The following UTP23 variants were observed in gnomAD, a reference collection of about 807,000 sequenced individuals.
The protein encoded by UTP23 is rRNA-processing protein UTP23 homolog.
A neutral mutation model predicts 19.8 loss-of-function variants in UTP23; 10 were observed. The observed-to-expected ratio is 0.50, with a 90% CI of 0.31 to 0.86. UTP23 has a LOEUF of 0.86. Ranked by LOEUF, UTP23 falls within the 40% of genes least tolerant of loss-of-function variation. The pLI is 0.05. For synonymous variants in UTP23, 108 were observed against 105.4 expected, an observed-to-expected ratio of 1.02 and a Z score of -0.15; for missense variants, 282 against 293.1, an observed-to-expected ratio of 0.96 and a Z score of 0.28.
intron 2 of UTP23, 36 bp from the exon 3 acceptor site, chr8:116,771,420 C>T (rs1292660741): frequency 2.2e-6 from 3 of 1,382,524 alleles, no homozygotes; most frequent in Non-Finnish European, 2.8e-6. Context: ...CCTTAATTGA[C>T]ATTTGAACTA....
rs542457533 is a variant in UTP23, at chr8:116,772,250, G to C, written c.*408G>C. The C allele has an allele frequency of 1.0e-6, 1 of 986,130 alleles. No individual in the cohort carries two copies. Among genetic ancestry groups the C allele is most frequent in the African/African-American group, 1.7e-5 (1 of 57,250 alleles). The allele number at this position is 986,130 out of a possible 1,614,324, so 61.1% of individuals were successfully genotyped here. On this transcript the variant is annotated 3_prime_UTR_variant, in exon 3 of 3. Coordinates refer to ENST00000309822, the MANE Select transcript of UTP23 (RefSeq NM_032334.3). Reference sequence around the variant, plus strand: ...TTCACTTTACTTACTAAATGGTTTCGGGAGGTTGTTTCTCCAGGTAAAATT... The same window carrying C: ...TTCACTTTACTTACTAAATGGTTTCCGGAGGTTGTTTCTCCAGGTAAAATT...
At position 116,772,622 on chromosome 8, in the gene UTP23, T is replaced by C. The variant is rs551512187; in HGVS notation, c.*780T>C. 19 of 985,062 alleles carry C rather than the reference T, an allele frequency of 1.9e-5. No individual in the cohort carries two copies. The South Asian group carries it at 6.6e-4, about 34-fold the overall frequency. 61.0% of individuals were successfully genotyped at this position (985,062 alleles called of 1,614,324 possible). A position where few individuals can be genotyped will look rare whatever the true frequency, so the allele number is the denominator to read the frequency against. On this transcript the variant is annotated 3_prime_UTR_variant, in exon 3 of 3. Transcript: ENST00000309822. The stretch of plus-strand genomic sequence containing the variant: ...GACTAGAGTTTTTTTGTTTGTTTGT[T>C]TGAGTTCTACTTGTCCAATAAGGAT...
chr8:116,770,874 G>A (rs1488083207), intron 2 of UTP23: 1 of 152,952 alleles, frequency 6.5e-6, no homozygotes, highest in African/African-American at 2.4e-5. Flanking sequence ...TCATGTTCCT[G>A]TATTTCATAC....
rs1815680948 is a variant in UTP23, at chr8:116,773,116, A to G, written c.*1274A>G. On this transcript the variant is annotated 3_prime_UTR_variant, in exon 3 of 3. Transcript: ENST00000309822. ...TTGGAATTATAGCTTTACACCAAGG[A>G]GTGACACGTAGACTAATCTGGCAAG... The G allele has an allele frequency of 2.0e-6, 2 of 985,336 alleles. No homozygotes were observed. The highest frequency in any genetic ancestry group is 2.4e-6 in the Non-Finnish European group (2 of 829,938). The allele number at this position is 985,336 out of a possible 1,614,324, so 61.0% of individuals were successfully genotyped here.
In UTP23 at chr8:116,774,488, CTATA is replaced by C. The variant is rs1414572202; in HGVS notation, c.*2652_*2655del. 1 of 909,168 alleles carries C rather than the reference CTATA, an allele frequency of 1.1e-6. No homozygotes were observed. The highest frequency in any genetic ancestry group is 1.3e-6 in the Non-Finnish European group (1 of 760,962). The allele number at this position is 909,168 out of a possible 1,614,324, so 56.3% of individuals were successfully genotyped here. A position where few individuals can be genotyped will look rare whatever the true frequency, so the allele number is the denominator to read the frequency against. On this transcript the variant is annotated 3_prime_UTR_variant, in exon 3 of 3. Coordinates refer to ENST00000309822, the MANE Select transcript of UTP23 (RefSeq NM_032334.3). Reference sequence around the variant, plus strand: ...GTTTTAAAAAATGTTTGCTTACTATCTATATATATGACATTATTCCCAATTAGTT... The same window carrying C: ...GTTTTAAAAAATGTTTGCTTACTATCTATATGACATTATTCCCAATTAGTT...
At position 116,773,900 on chromosome 8, in the gene UTP23, A is replaced by C; in HGVS notation, c.*2058A>C. 1 of 962,486 alleles carries C rather than the reference A, an allele frequency of 1.0e-6. No homozygotes were observed. Among genetic ancestry groups the C allele is most frequent in the Non-Finnish European group, 1.2e-6 (1 of 809,062 alleles). The allele number at this position is 962,486 out of a possible 1,614,324, so 59.6% of individuals were successfully genotyped here. On this transcript the variant is annotated 3_prime_UTR_variant, in exon 3 of 3. Transcript: ENST00000309822. ...AAATTACTTTAAAAGATATTTTAAC[A>C]AAAGTCTCATATCCTTGTACTTCAG...
chr8:116,769,461 T>G (rs991018591), intron 1 of UTP23, among the ~76,000 whole-genome samples: 2 of 152,118 alleles, frequency 1.3e-5, no homozygotes, highest in South Asian at 2.1e-4. Flanking sequence ...ATAGCAAGTC[T>G]TGGAGGATAA....
At chr8:116,767,176 A>G (rs953186543) in intron 1 of UTP23, among the ~76,000 whole-genome samples, 8 of 152,214 alleles carry the variant, frequency 5.3e-5, no homozygotes, top group African/African-American at 1.9e-4. Flanking sequence ...TCAAACGAGT[A>G]TAGTGTACTA....
intron 2 of UTP23, among the ~76,000 whole-genome samples, chr8:116,771,225 A>G (rs558936065): frequency 2.0e-5 from 3 of 152,290 alleles, no homozygotes; most frequent in African/African-American, 7.2e-5. Context: ...TTGTGGCTCT[A>G]GAGTATCGAT....
Position 116,770,293 on chromosome 8 carries a change from C to G in UTP23, c.290C>G (p.Ala97Gly), listed in dbSNP as rs1277707194. ...QVRNCPHFKNAVSGSECLLSM... is the reference protein window; with the variant it reads ...QVRNCPHFKNGVSGSECLLSM... ...CGAAATTGTCCTCATTTCAAGAATGCAGTGAGTGGATCAGAATGTCTGCTT... is the reference window on the plus strand; with the variant it reads ...CGAAATTGTCCTCATTTCAAGAATGGAGTGAGTGGATCAGAATGTCTGCTT... The change falls in exon 2 of 3, where the codon GCA becomes GGA. Residue 97 changes from alanine (A) to glycine (G), a missense_variant. Ala to Gly is a moderately conservative substitution (Grantham distance 60, BLOSUM62 0). Transcript: ENST00000309822. 5 of 1,613,932 alleles carry G rather than the reference C, an allele frequency of 3.1e-6. No homozygotes were observed. The highest frequency in any genetic ancestry group is 2.5e-6 in the Non-Finnish European group (3 of 1,179,952).
At position 116,766,743 on chromosome 8, in the gene UTP23, A is replaced by T; in HGVS notation, c.140A>T (p.Glu47Val). Residue 47 changes from glutamate (E) to valine (V), a missense_variant, in exon 1 of 3, where the codon GAG becomes GTG. Physicochemically the swap from Glu to Val is moderately radical, Grantham distance 121. Transcript: ENST00000309822. ...CTGCGGGGCCGCATCCAGCTGCGGG[A>T]GCAGCTGCCCCGCTACCTCATGGGG... ...AALRGRIQLR[E>V]QLPRYLMGET... is the part of the protein sequence containing the mutation. 6.2e-7 allele frequency: 1 copy of T among 1,601,302 alleles called. No homozygotes were observed.
Position 116,771,561 on chromosome 8 carries a change from T to A in UTP23, c.469T>A (p.Phe157Ile). The A allele has an allele frequency of 6.2e-7, 1 of 1,612,558 alleles. No individual in the cohort carries two copies. Among genetic ancestry groups the A allele is most frequent in the Non-Finnish European group, 8.5e-7 (1 of 1,179,656 alleles). The part of the protein sequence containing the change: ...LDKPSPKTIA[F>I]VKAVESGQLV... Reference sequence around the variant, plus strand: ...CAAACCTTCTCCCAAAACAATTGCCTTTGTAAAAGCAGTGGAGTCAGGTCA... The same window carrying A: ...CAAACCTTCTCCCAAAACAATTGCCATTGTAAAAGCAGTGGAGTCAGGTCA... Residue 157 changes from phenylalanine (F) to isoleucine (I), a missense_variant, in exon 3 of 3, where the codon TTT (phenylalanine) becomes ATT (isoleucine). Transcript: ENST00000309822.
chr8:116,771,861 A>C lies in UTP23; in HGVS notation c.*19A>C. The C allele has an allele frequency of 6.5e-7, 1 of 1,528,586 alleles. No homozygotes were observed. Among genetic ancestry groups the C allele is most frequent in the Non-Finnish European group, 8.7e-7 (1 of 1,145,542 alleles). 94.7% of individuals were successfully genotyped at this position (1,528,586 alleles called of 1,614,324 possible). ...AGAATGAATCCTTTGGATACTTTCA[A>C]GGACATTCAAATGTGAAAATGAATT... is the stretch of plus-strand genomic sequence containing the variant. On this transcript the variant is annotated 3_prime_UTR_variant, in exon 3 of 3. Coordinates refer to ENST00000309822, the MANE Select transcript of UTP23 (RefSeq NM_032334.3).
rs551322459 is a variant in UTP23, at chr8:116,774,002, A to G, written c.*2160A>G. 1.4e-5 allele frequency: 14 copies of G among 985,242 alleles called. No homozygotes were observed. The highest frequency in any genetic ancestry group is 6.2e-5 in the Admixed American group (1 of 16,254). The allele number at this position is 985,242 out of a possible 1,614,324, so 61.0% of individuals were successfully genotyped here. On this transcript the variant is annotated 3_prime_UTR_variant, in exon 3 of 3. Transcript: ENST00000309822. ...ATTATTTGCTTTATTTTTTCATACA[A>G]CTTGGGGAAGGGAACCATGGGAGTA...
Position 116,772,951 on chromosome 8 carries a change from AG to A in UTP23, c.*1110del. ...CTGACAGCTTCTGGAGCCACACTAG[AG>A]CAGTGATTCTCAGTCTAACATTAGG... On this transcript the variant is annotated 3_prime_UTR_variant, in exon 3 of 3. Coordinates refer to ENST00000309822, the MANE Select transcript of UTP23 (RefSeq NM_032334.3). The A allele has an allele frequency of 2.0e-6, 2 of 985,400 alleles. No homozygotes were observed. Among genetic ancestry groups the A allele is most frequent in the Non-Finnish European group, 2.4e-6 (2 of 829,896 alleles). 61.0% of individuals were successfully genotyped at this position (985,400 alleles called of 1,614,324 possible). A position where few individuals can be genotyped will look rare whatever the true frequency, so the allele number is the denominator to read the frequency against.
rs1378172701 is a variant in UTP23 at position 116,770,233 on chromosome 8, A to G, written c.230A>G (p.Tyr77Cys). The change falls in exon 2 of 3, where the codon TAT becomes TGT. Residue 77 changes from tyrosine to cysteine, a missense_variant. Physicochemically the swap from Tyr to Cys is radical, Grantham distance 194. Coordinates refer to ENST00000309822, the MANE Select transcript of UTP23 (RefSeq NM_032334.3). Reference sequence around the variant, plus strand: ...CTAGAAACATTGGGAAAGGACTTATATGGGGCAAAACTGATTGCACAAAAA... The same window carrying G: ...CTAGAAACATTGGGAAAGGACTTATGTGGGGCAAAACTGATTGCACAAAAA... ...KELETLGKDL[Y>C]GAKLIAQKCQ... is the part of the protein sequence containing the mutation. 2.0e-5 allele frequency: 32 copies of G among 1,613,472 alleles called. No individual in the cohort carries two copies. Among genetic ancestry groups the G allele is most frequent in the Non-Finnish European group, 2.6e-5 (31 of 1,179,554 alleles).
At position 116,773,293 on chromosome 8, in the gene UTP23, G is replaced by A. The variant is rs539819412; in HGVS notation, c.*1451G>A. On this transcript the variant is annotated 3_prime_UTR_variant, in exon 3 of 3. Transcript: ENST00000309822. ...ACATTTGTCAATGACAAGCATTAAGGCCACCTAATAAAGTGTAGACAAAGT... is the reference window on the plus strand; with the variant it reads ...ACATTTGTCAATGACAAGCATTAAGACCACCTAATAAAGTGTAGACAAAGT... 9.0e-5 allele frequency: 89 copies of A among 985,256 alleles called. No individual in the cohort carries two copies. In the South Asian group the frequency reaches 3.9e-3, roughly 43 times the overall value. The allele number at this position is 985,256 out of a possible 1,614,324, so 61.0% of individuals were successfully genotyped here.
At chr8:116,767,872 A>G (rs1350525319) in intron 1 of UTP23, among the ~76,000 whole-genome samples, 1 of 152,262 alleles carries the variant, frequency 6.6e-6, no homozygotes, top group East Asian at 1.9e-4. Flanking sequence ...ATCACTGTTA[A>G]CATGTGCAGT....
At position 116,773,190 on chromosome 8, in the gene UTP23, G is replaced by C. The variant is rs753795850; in HGVS notation, c.*1348G>C. On this transcript the variant is annotated 3_prime_UTR_variant, in exon 3 of 3. Coordinates refer to ENST00000309822, the MANE Select transcript of UTP23 (RefSeq NM_032334.3). ...TGTCATGATTCTATTTTAAATTCTT[G>C]ATGGTAGAAACATTTTTAATAAGGA... The C allele has an allele frequency of 1.4e-4, 138 of 985,252 alleles. No individual in the cohort carries two copies. The highest frequency in any genetic ancestry group is 1.5e-4 in the Non-Finnish European group (127 of 829,924). 61.0% of individuals were successfully genotyped at this position (985,252 alleles called of 1,614,324 possible). A position where few individuals can be genotyped will look rare whatever the true frequency, so the allele number is the denominator to read the frequency against.
Sources: allele counts gnomAD v4.1 joint callset (sites outside exome capture counted in the v4.1 genomes callset), GRCh38; gene constraint gnomAD v4.1.1; transcripts MANE v1.5; gene names NCBI Gene and HGNC (gene_info 2026-07-23, HGNC 2026-07-21).